The following ALK variants were observed in gnomAD, a reference collection of about 807,000 sequenced individuals.
ALK encodes the protein ALK tyrosine kinase receptor.
Under a neutral mutation model 163.1 loss-of-function variants are expected in ALK, and 74 were observed. The ratio of observed to expected loss-of-function variants is 0.45; its 90% CI spans 0.38 to 0.55. The LOEUF (loss-of-function observed/expected upper bound fraction) is 0.55, where lower values mean the gene tolerates loss of function less well. ALK is among the 20% of genes least tolerant of loss of function. The pLI, the probability that ALK is intolerant of heterozygous loss-of-function variation, is 0.00. For missense variants in ALK, 2,063 were observed against 2,105.3 expected, an observed-to-expected ratio of 0.98 and a Z score of 0.39; for synonymous variants, 960 against 843.2, an observed-to-expected ratio of 1.14 and a Z score of -2.40.
chr2:29,697,813 A>C (rs779497660), intron 2 of ALK, among the ~76,000 whole-genome samples: 7 of 152,130 alleles, frequency 4.6e-5, no homozygotes, highest in South Asian at 4.1e-4. Context: ...CCCAATCTCC[A>C]AGACAATTCT....
At chr2:29,724,832 TCC>T (rs1394115031) in intron 1 of ALK, among the ~76,000 whole-genome samples, 1 of 152,162 alleles carries the variant, frequency 6.6e-6, no homozygotes, top group African/African-American at 2.4e-5. Flanking sequence ...CAGCTCCCAC[TCC>T]ACCTCACCTT....
intron 2 of ALK, among the ~76,000 whole-genome samples, chr2:29,703,032 C>T (rs1411392186): frequency 6.6e-6 from 1 of 152,228 alleles, no homozygotes; most frequent in African/African-American, 2.4e-5. Flanking sequence ...GGCAAAGTTT[C>T]TGTGGCCATC....
intron 1 of ALK, among the ~76,000 whole-genome samples, chr2:29,860,940 G>A (rs183477505): frequency 2.0e-5 from 3 of 152,290 alleles, no homozygotes; most frequent in East Asian, 1.9e-4. Flanking sequence ...GGAGGCCAAG[G>A]CAGGTGGATT....
chr2:29,789,668 T>C (rs1312031692), intron 1 of ALK, among the ~76,000 whole-genome samples: 1 of 152,172 alleles, frequency 6.6e-6, no homozygotes, highest in Non-Finnish European at 1.5e-5. Context: ...CTGGGGTGAA[T>C]GAATGGGGCT....
intron 1 of ALK, among the ~76,000 whole-genome samples, chr2:29,854,790 T>C (rs1044271715): frequency 6.6e-6 from 1 of 152,232 alleles, no homozygotes; most frequent in African/African-American, 2.4e-5. Flanking sequence ...AAAAATATAC[T>C]TCCATAGCAC....
At chr2:29,528,303 C>T (rs1484282043) in intron 4 of ALK, among the ~76,000 whole-genome samples, 2 of 152,222 alleles carry the variant, frequency 1.3e-5, no homozygotes, top group East Asian at 1.9e-4. Context: ...TAGCCCTACA[C>T]GCCACCCACC....
intron 1 of ALK, among the ~76,000 whole-genome samples, chr2:29,751,499 C>T (rs557863452): frequency 5.9e-5 from 9 of 152,142 alleles, no homozygotes; most frequent in Admixed American, 3.9e-4. Flanking sequence ...ATGGGAAAGG[C>T]GTTGAGTTGT....
intron 1 of ALK, among the ~76,000 whole-genome samples, chr2:29,719,171 G>A (rs147454008): frequency 2.0e-5 from 3 of 152,266 alleles, no homozygotes; most frequent in Admixed American, 6.5e-5. Flanking sequence ...GGCATTCCAC[G>A]GTCTCCTTCC....
rs1360756512 is a variant in ALK at position 29,852,851 on chromosome 2, T to G, written c.667+67142A>C. ...AGAGCTTTCTCTCTCTCTCTCTCTC[T>G]CTCTCTCTCTCTCTCTCTCTGCTCT... On this transcript the variant is annotated intron_variant, in intron 1 of 28. Coordinates refer to ENST00000389048, the MANE Select transcript of ALK (RefSeq NM_004304.5). Among the ~76,000 whole-genome samples, 6 of 151,596 alleles carry G rather than the reference T, an allele frequency of 4.0e-5. No individual in the cohort carries two copies. The East Asian group carries it at 7.8e-4, about 20-fold the overall frequency.
At chr2:29,832,902 G>C (rs1176802865) in intron 1 of ALK, among the ~76,000 whole-genome samples, 8 of 152,234 alleles carry the variant, frequency 5.3e-5, no homozygotes, top group Non-Finnish European at 7.3e-5. Context: ...GGAGAAGCTT[G>C]CTTCCTGAGA....
intron 5 of ALK, among the ~76,000 whole-genome samples, chr2:29,382,741 A>G (rs1668930610): frequency 1.3e-5 from 2 of 152,178 alleles, no homozygotes; most frequent in South Asian, 4.1e-4. Flanking sequence ...TTTCTTATAC[A>G]TTGCCTCATA....
At chr2:29,699,287 T>C (rs1678662671) in intron 2 of ALK, among the ~76,000 whole-genome samples, 1 of 152,154 alleles carries the variant, frequency 6.6e-6, no homozygotes, top group Non-Finnish European at 1.5e-5. Flanking sequence ...TCCTGGGTGT[T>C]TTCCTTCCAT....
intron 1 of ALK, among the ~76,000 whole-genome samples, chr2:29,761,275 T>G (rs1201319330): frequency 6.6e-6 from 1 of 152,170 alleles, no homozygotes; most frequent in Non-Finnish European, 1.5e-5. Flanking sequence ...GAAGAGTGAA[T>G]AGGCTTTGAA....
intron 3 of ALK, among the ~76,000 whole-genome samples, chr2:29,687,924 A>G (rs1678284677): frequency 6.6e-6 from 1 of 152,326 alleles, no homozygotes; most frequent in South Asian, 2.1e-4. Flanking sequence ...GTTTTTCACC[A>G]TCATAAACAG....
At chr2:29,647,401 C>G (rs1174782728) in intron 3 of ALK, among the ~76,000 whole-genome samples, 1 of 152,170 alleles carries the variant, frequency 6.6e-6, no homozygotes, top group Non-Finnish European at 1.5e-5. Context: ...TGTTAGGTCA[C>G]TTGCATCAGC....
chr2:29,485,223 C>T (rs1481033084), intron 4 of ALK, among the ~76,000 whole-genome samples: 2 of 152,192 alleles, frequency 1.3e-5, no homozygotes, highest in African/African-American at 4.8e-5. Flanking sequence ...TTTAGACAAT[C>T]TCTCTCTGCT....
At chr2:29,601,797 C>T (rs1265509216) in intron 3 of ALK, among the ~76,000 whole-genome samples, 3 of 152,160 alleles carry the variant, frequency 2.0e-5, no homozygotes, top group Admixed American at 6.5e-5. Context: ...GTCCAGACCT[C>T]GTCCTGGCAT....
intron 8 of ALK, among the ~76,000 whole-genome samples, chr2:29,305,250 G>C (rs1666472249): frequency 6.6e-6 from 1 of 152,192 alleles, no homozygotes; most frequent in Non-Finnish European, 1.5e-5. Context: ...CGTCAGCTAA[G>C]GGCCTTCTTG....
intron 3 of ALK, among the ~76,000 whole-genome samples, chr2:29,644,244 G>A (rs1303134794): frequency 9.0e-6 from 1 of 111,316 alleles, no homozygotes; most frequent in African/African-American, 3.5e-5. Flanking sequence ...ACTGGGGCCT[G>A]TTGCGGGGTG....
Sources: allele counts gnomAD v4.1 joint callset (sites outside exome capture counted in the v4.1 genomes callset), GRCh38; gene constraint gnomAD v4.1.1; transcripts MANE v1.5; gene names NCBI Gene and HGNC (gene_info 2026-07-23, HGNC 2026-07-21).